Variants in SLC35D4 observed in about 807,000 individuals in gnomAD.
SLC35D4 encodes the protein UDP-N-acetylglucosamine transporter SLC35D4.
At chr18:23,334,108 G>A in the SLC35D4 span, among the ~76,000 whole-genome samples, 2 of 152,076 alleles carry the variant, frequency 1.3e-5, no homozygotes, top group Non-Finnish European at 2.9e-5. Flanking sequence ...TCTCCTGAAG[G>A]GGAGAAAAGG....
chr18:23,285,173 C>G, the SLC35D4 span, among the ~76,000 whole-genome samples: 1 of 152,202 alleles, frequency 6.6e-6, no homozygotes, highest in African/African-American at 2.4e-5. Flanking sequence ...GACCTCTTAT[C>G]TGTGCCCCAA....
chr18:23,371,926 G>GTTTTCTTTGTT, the SLC35D4 span, among the ~76,000 whole-genome samples: 1 of 11,862 alleles, frequency 8.4e-5, no homozygotes, highest in East Asian at 2.2e-3. Flanking sequence ...TTTCTTCCTT[G>GTTTTCTTTGTT]TTTTTTTTGT....
the SLC35D4 span, among the ~76,000 whole-genome samples, chr18:23,282,886 G>A: frequency 3.5e-4 from 53 of 152,106 alleles, no homozygotes; most frequent in African/African-American, 1.2e-3. Flanking sequence ...TACAGATAGG[G>A]GGCACCTGCA....
At chr18:23,400,955 G>A in the SLC35D4 span, among the ~76,000 whole-genome samples, 1 of 152,184 alleles carries the variant, frequency 6.6e-6, no homozygotes, top group Admixed American at 6.5e-5. Context: ...CAACTTACAA[G>A]GTGCTGAGAA....
At chr18:23,362,053 A>G in the SLC35D4 span, among the ~76,000 whole-genome samples, 1 of 152,194 alleles carries the variant, frequency 6.6e-6, no homozygotes, top group South Asian at 2.1e-4. Context: ...ACATTCTACA[A>G]TCATATACTT....
the SLC35D4 span, among the ~76,000 whole-genome samples, chr18:23,263,886 C>A: frequency 2.9e-3 from 441 of 152,324 alleles, 1 homozygote; most frequent in Non-Finnish European, 5.1e-3. Context: ...AGAGCACAGG[C>A]CCTAGTCAGA....
the SLC35D4 span, among the ~76,000 whole-genome samples, chr18:23,256,950 G>T: frequency 6.6e-6 from 1 of 152,150 alleles, no homozygotes; most frequent in Non-Finnish European, 1.5e-5. Flanking sequence ...ATAGAGATAC[G>T]GAGCATGAAC....
chr18:23,388,565 C>G, the SLC35D4 span, among the ~76,000 whole-genome samples: 1 of 152,176 alleles, frequency 6.6e-6, no homozygotes, highest in African/African-American at 2.4e-5. Flanking sequence ...TGAAAACTTC[C>G]GGGACCTCCA....
the SLC35D4 span, chr18:23,437,891 G>C: frequency 6.3e-7 from 1 of 1,591,648 alleles, no homozygotes; most frequent in Non-Finnish European, 8.6e-7. Flanking sequence ...CACGGTGCCT[G>C]CCCAAATCCC....
the SLC35D4 span, among the ~76,000 whole-genome samples, chr18:23,364,902 C>CAAAAAAAAAAAAAAAAAAAA: frequency 3.1e-5 from 1 of 31,874 alleles, no homozygotes; most frequent in Non-Finnish European, 4.7e-5. Flanking sequence ...GACTCTGTCT[C>CAAAAAAAAAAAAAAAAAAAA]AAAAAAAAAA....
chr18:23,248,495 G>A, the SLC35D4 span, among the ~76,000 whole-genome samples: 1 of 137,876 alleles, frequency 7.3e-6, no homozygotes, highest in Admixed American at 7.3e-5. Context: ...ACCTGGCAAT[G>A]TAGCAAGACC....
the SLC35D4 span, chr18:23,365,527 T>TG: frequency 1.5e-6 from 2 of 1,329,102 alleles, no homozygotes; most frequent in Non-Finnish European, 1.0e-6. Flanking sequence ...TCAGTCATCC[T>TG]GGGGGGCAAT....
At chr18:23,314,137 G>C in the SLC35D4 span, among the ~76,000 whole-genome samples, 1 of 152,184 alleles carries the variant, frequency 6.6e-6, no homozygotes, top group Non-Finnish European at 1.5e-5. Flanking sequence ...CAGAGCTCCA[G>C]AGCCAGCCTC....
chr18:23,407,864 A>G, the SLC35D4 span, among the ~76,000 whole-genome samples: 1 of 152,236 alleles, frequency 6.6e-6, no homozygotes, highest in African/African-American at 2.4e-5. Context: ...TTTGAGCCAG[A>G]AAATTCACTT....
At chr18:23,271,135 A>G in the SLC35D4 span, among the ~76,000 whole-genome samples, 3 of 152,190 alleles carry the variant, frequency 2.0e-5, no homozygotes, top group Non-Finnish European at 4.4e-5. Flanking sequence ...TGTTCTCATG[A>G]TAGTGAATAA....
At chr18:23,339,305 CA>C in the SLC35D4 span, among the ~76,000 whole-genome samples, 24 of 152,314 alleles carry the variant, frequency 1.6e-4, no homozygotes, top group African/African-American at 3.4e-4. Flanking sequence ...AATTTGGAGA[CA>C]GGGGTGAAAG....
At chr18:23,275,516 A>G in the SLC35D4 span, among the ~76,000 whole-genome samples, 21 of 152,170 alleles carry the variant, frequency 1.4e-4, no homozygotes, top group African/African-American at 5.1e-4. Flanking sequence ...CGCGAGAACA[A>G]GCTGAACTAC....
chr18:23,292,966 G>A, the SLC35D4 span, among the ~76,000 whole-genome samples: 1 of 152,186 alleles, frequency 6.6e-6, no homozygotes, highest in Non-Finnish European at 1.5e-5. Flanking sequence ...AAGGCCAGGC[G>A]TGGTGGCTCA....
the SLC35D4 span, among the ~76,000 whole-genome samples, chr18:23,266,781 T>C: frequency 1.3e-5 from 2 of 152,234 alleles, no homozygotes; most frequent in Non-Finnish European, 2.9e-5. Context: ...CCTGGCCAAC[T>C]CACCTGGACA....
Sources: gnomAD v4.1 joint callset for allele counts (sites outside exome capture counted in the v4.1 genomes callset) on GRCh38, gnomAD v4.1.1 for gene constraint, MANE v1.5 for transcripts, NCBI Gene and HGNC (gene_info 2026-07-23, HGNC 2026-07-21) for gene names.